NRXN3: variants seen among roughly 807,000 people sequenced by gnomAD.
The protein encoded by NRXN3 is neurexin 3, also known as neurexin III.
NRXN3 carries 32 observed loss-of-function variants against 137.6 expected under a neutral mutation model. The ratio of observed to expected loss-of-function variants is 0.23; its 90% CI spans 0.18 to 0.31. The LOEUF is 0.31. Among genes scored for constraint, NRXN3 ranks in the 10% least tolerant of loss-of-function variants. The pLI is 1.00. For missense variants in NRXN3, 1,574 were observed against 2,062.5 expected, an observed-to-expected ratio of 0.76 and a Z score of 4.59; for synonymous variants, 798 against 784.5, an observed-to-expected ratio of 1.02 and a Z score of -0.29.
intron 15 of NRXN3, among the ~76,000 whole-genome samples, chr14:79,315,795 C>G (rs1019845341): frequency 2.0e-5 from 3 of 152,090 alleles, no homozygotes; most frequent in Non-Finnish European, 2.9e-5. Flanking sequence ...CCAGAACGAG[C>G]TACAATAGAA....
rs189286569 is a variant in NRXN3 at position 79,521,981 on chromosome 14, G to A, written c.3444+54579G>A. ...GGTCATATTTTGCTTTTTGTTGGGA[G>A]GATGTTTCTATAAACTTATTAATAC... On this transcript the variant is annotated intron_variant, in intron 16 of 20. Coordinates refer to ENST00000335750, the MANE Select transcript of NRXN3 (RefSeq NM_001330195.2). Among the ~76,000 whole-genome samples, 4 of 152,228 alleles carry A rather than the reference G, an allele frequency of 2.6e-5. 1 individual carries two copies. The highest frequency in any genetic ancestry group is 5.9e-5 in the Non-Finnish European group (4 of 67,994).
At chr14:78,349,830 T>C (rs79812128) in intron 4 of NRXN3, among the ~76,000 whole-genome samples, 4,371 of 152,294 alleles carry the variant, frequency 0.029, 82 homozygotes, top group Middle Eastern at 0.044. Context: ...CAGTGGGTGT[T>C]TCATATTTGC....
At chr14:78,613,556 A>G (rs979039463) in intron 4 of NRXN3, among the ~76,000 whole-genome samples, 3 of 149,954 alleles carry the variant, frequency 2.0e-5, no homozygotes, top group South Asian at 4.2e-4. Flanking sequence ...AAGCAAGAGG[A>G]GAAAACTGTC....
intron 10 of NRXN3, among the ~76,000 whole-genome samples, chr14:78,931,980 C>G (rs1200005517): frequency 6.6e-6 from 1 of 152,014 alleles, no homozygotes; most frequent in Non-Finnish European, 1.5e-5. Context: ...AACCCTGTCT[C>G]TACTACAAAA....
intron 16 of NRXN3, among the ~76,000 whole-genome samples, chr14:79,640,652 C>G (rs2098427490): frequency 7.4e-6 from 1 of 135,492 alleles, no homozygotes; most frequent in African/African-American, 2.5e-5. Context: ...TTTAGCCTTC[C>G]TAGGAAATTA....
At chr14:78,213,814 A>G (rs1330215079) in intron 1 of NRXN3, among the ~76,000 whole-genome samples, 1 of 151,938 alleles carries the variant, frequency 6.6e-6, no homozygotes, top group African/African-American at 2.4e-5. Context: ...GCTGAAACAC[A>G]GCGAGAGGGG....
At chr14:79,612,155 A>G in intron 16 of NRXN3, among the ~76,000 whole-genome samples, 1 of 152,200 alleles carries the variant, frequency 6.6e-6, no homozygotes, top group Non-Finnish European at 1.5e-5. Context: ...AGAAACATGA[A>G]GATTCTAGAT....
chr14:78,797,167 C>T (rs983405780), intron 8 of NRXN3, among the ~76,000 whole-genome samples: 3 of 152,058 alleles, frequency 2.0e-5, no homozygotes, highest in Non-Finnish European at 2.9e-5. Flanking sequence ...AGACGAGAGC[C>T]GTCTGCCGAA....
intron 19 of NRXN3, among the ~76,000 whole-genome samples, chr14:79,766,207 A>T (rs948152988): frequency 6.6e-6 from 1 of 152,120 alleles, no homozygotes; most frequent in Admixed American, 6.6e-5. Flanking sequence ...TTTAGATAAA[A>T]GGTTTCATAT....
chr14:79,515,746 C>T (rs950440608), intron 16 of NRXN3, among the ~76,000 whole-genome samples: 1 of 152,188 alleles, frequency 6.6e-6, no homozygotes, highest in Non-Finnish European at 1.5e-5. Context: ...GAAAAAGTCT[C>T]TTTCCCCCAT....
At chr14:79,821,356 T>C (rs1172303009) in intron 20 of NRXN3, among the ~76,000 whole-genome samples, 1 of 152,122 alleles carries the variant, frequency 6.6e-6, no homozygotes, top group African/African-American at 2.4e-5. Context: ...ATAACATGAA[T>C]AGATGAAATA....
intron 16 of NRXN3, among the ~76,000 whole-genome samples, chr14:79,494,999 C>T (rs1478043118): frequency 2.6e-5 from 4 of 152,194 alleles, no homozygotes; most frequent in Admixed American, 1.3e-4. Context: ...CAATACCGTC[C>T]TTTCTATCTT....
chr14:78,778,612 C>T (rs536004319), intron 8 of NRXN3, among the ~76,000 whole-genome samples: 18 of 152,100 alleles, frequency 1.2e-4, no homozygotes, highest in East Asian at 7.7e-4. Context: ...AATATGAATA[C>T]GTTCTGAAAC....
intron 6 of NRXN3, among the ~76,000 whole-genome samples, chr14:78,689,140 G>A (rs886794125): frequency 2.6e-5 from 4 of 151,944 alleles, no homozygotes; most frequent in African/African-American, 9.7e-5. Context: ...TGTTCTTTTT[G>A]TTATTGTTTT....
At chr14:79,051,460 C>A (rs1460584563) in intron 15 of NRXN3, among the ~76,000 whole-genome samples, 1 of 152,210 alleles carries the variant, frequency 6.6e-6, no homozygotes, top group East Asian at 1.9e-4. Context: ...CCCAGACAGG[C>A]TGGCTCCAGG....
chr14:79,830,144 C>T (rs2099318493), intron 20 of NRXN3, among the ~76,000 whole-genome samples: 1 of 152,164 alleles, frequency 6.6e-6, no homozygotes, highest in South Asian at 2.1e-4. Context: ...CTTGTCCAGA[C>T]AAGTTGCATC....
At chr14:79,498,935 C>T (rs1231011404) in intron 16 of NRXN3, among the ~76,000 whole-genome samples, 3 of 152,154 alleles carry the variant, frequency 2.0e-5, no homozygotes, top group African/African-American at 4.8e-5. Context: ...CAGGCACACA[C>T]CATTATGCCC....
intron 6 of NRXN3, among the ~76,000 whole-genome samples, chr14:78,679,210 G>GAGAAGATA (rs1326169522): frequency 1.3e-5 from 2 of 152,138 alleles, no homozygotes; most frequent in African/African-American, 4.8e-5. Flanking sequence ...TTGATTAGTA[G>GAGAAGATA]ATACGAAATC....
At chr14:78,821,045 C>G (rs2098949317) in intron 10 of NRXN3, among the ~76,000 whole-genome samples, 2 of 152,084 alleles carry the variant, frequency 1.3e-5, no homozygotes, top group African/African-American at 2.4e-5. Flanking sequence ...TTTTATAATT[C>G]TTCATCATAT....
Sources: gnomAD v4.1 joint callset for allele counts (sites outside exome capture counted in the v4.1 genomes callset) on GRCh38, gnomAD v4.1.1 for gene constraint, MANE v1.5 for transcripts, NCBI Gene and HGNC (gene_info 2026-07-23, HGNC 2026-07-21) for gene names.